Variants in LRRFIP1 observed in about 807,000 individuals in gnomAD.
LRRFIP1 encodes the protein leucine-rich repeat flightless-interacting protein 1.
In LRRFIP1, 62 loss-of-function variants were observed where a neutral mutation model predicts 104.4. That is an observed-to-expected ratio of 0.59 (90% confidence interval 0.48 to 0.73). The LOEUF (loss-of-function observed/expected upper bound fraction) is 0.73. Among genes scored for constraint, LRRFIP1 ranks in the 30% least tolerant of loss-of-function variants. The pLI, the probability that LRRFIP1 is intolerant of heterozygous loss-of-function variation, is 0.00. For synonymous variants in LRRFIP1, 300 were observed against 299.0 expected (o/e 1.00, Z -0.03); for missense variants, 796 against 824.5 (o/e 0.97, Z 0.42).
At chr2:237,770,229 G>T in intron 20 of LRRFIP1, 1 of 479,576 alleles carries the variant, frequency 2.1e-6, no homozygotes, top group Non-Finnish European at 3.8e-6. Flanking sequence ...AAGACCCAAA[G>T]CCATGGAATT....
intron 7 of LRRFIP1, 45 bp downstream of exon 7, chr2:237,723,631 G>T: frequency 6.2e-7 from 1 of 1,607,942 alleles, no homozygotes; most frequent in Non-Finnish European, 8.5e-7. Context: ...TAACTGTGTG[G>T]TGTGACCATA....
chr2:237,634,875 A>G (rs1335555279), intron 1 of LRRFIP1, among the ~76,000 whole-genome samples: 1 of 152,226 alleles, frequency 6.6e-6, no homozygotes, highest in East Asian at 1.9e-4. Flanking sequence ...ATATGATTAA[A>G]CAAAGCAGAT....
intron 19 of LRRFIP1, chr2:237,763,004 G>A (rs1187884847): frequency 1.2e-6 from 2 of 1,614,228 alleles, no homozygotes. Flanking sequence ...AGTGACTCAG[G>A]TTGAAGAGCA....
chr2:237,750,668 GT>G (rs2058511566), intron 13 of LRRFIP1, among the ~76,000 whole-genome samples: 1 of 152,172 alleles, frequency 6.6e-6, no homozygotes, highest in East Asian at 1.9e-4. Flanking sequence ...GAGCAGCAGA[GT>G]TGGCGGCAGT....
rs184424862 is a variant in LRRFIP1 at position 237,707,727 on chromosome 2, C to A, written c.97-817C>A. On this transcript the variant is annotated intron_variant, in intron 1 of 23. Coordinates refer to ENST00000308482, the MANE Select transcript of LRRFIP1 (RefSeq NM_001137550.2). Reference sequence around the variant, plus strand: ...GTTGTTTGTAGAAACAGTTCAGATGCCAGGCTCGATAGCATCATGTCCATT... The same window carrying A: ...GTTGTTTGTAGAAACAGTTCAGATGACAGGCTCGATAGCATCATGTCCATT... Among the ~76,000 whole-genome samples, 22 of 152,308 alleles carry A rather than the reference C, an allele frequency of 1.4e-4. No homozygotes were observed. The East Asian group carries it at 2.9e-3, about 20-fold the overall frequency.
At chr2:237,762,752 G>C in intron 19 of LRRFIP1, 1 of 1,614,226 alleles carries the variant, frequency 6.2e-7, no homozygotes, top group Non-Finnish European at 8.5e-7. Flanking sequence ...TGAGAATACC[G>C]AGGACCAGAA....
At chr2:237,642,877 G>C (rs1056155512) in intron 1 of LRRFIP1, among the ~76,000 whole-genome samples, 29 of 152,226 alleles carry the variant, frequency 1.9e-4, no homozygotes, top group African/African-American at 6.5e-4. Context: ...CCAGGTTGCA[G>C]GGTCTGGACT....
intron 1 of LRRFIP1, among the ~76,000 whole-genome samples, chr2:237,632,033 CGT>C (rs895203185): frequency 2.0e-5 from 3 of 152,260 alleles, no homozygotes. Context: ...CAAGTTGACT[CGT>C]GGGCCTGCGG....
chr2:237,714,111 G>T, intron 2 of LRRFIP1, 148 bp from the exon 3 acceptor site: 1 of 536,572 alleles, frequency 1.9e-6, no homozygotes, highest in Admixed American at 3.3e-5. Context: ...TCTTGTCAGT[G>T]GGACCTCACC....
At chr2:237,769,840 T>C in intron 19 of LRRFIP1, 103 bp from the exon 20 acceptor site, 1 of 851,316 alleles carries the variant, frequency 1.2e-6, no homozygotes, top group Non-Finnish European at 2.0e-6. Context: ...ACTACTTCCA[T>C]CATTCATTTC....
At chr2:237,762,514 T>C (rs1282345704) in intron 19 of LRRFIP1, 1 of 1,006,098 alleles carries the variant, frequency 9.9e-7, no homozygotes, top group Non-Finnish European at 1.5e-6. Flanking sequence ...TAGGGGTGGG[T>C]GGGATTTGGA....
At chr2:237,739,384 G>A (rs762146444) in intron 11 of LRRFIP1, 75 bp downstream of exon 11, 98 of 1,278,652 alleles carry the variant, frequency 7.7e-5, no homozygotes, top group Admixed American at 1.3e-4. Context: ...CTCTTCCAAC[G>A]TCTCCAAATT....
intron 11 of LRRFIP1, among the ~76,000 whole-genome samples, chr2:237,742,906 G>C (rs2057310627): frequency 6.6e-6 from 1 of 152,078 alleles, no homozygotes; most frequent in Non-Finnish European, 1.5e-5. Flanking sequence ...CAGAACCCGG[G>C]TTCAGATGTC....
intron 7 of LRRFIP1, among the ~76,000 whole-genome samples, chr2:237,726,293 ATATATAGT>A (rs1253419409): frequency 6.6e-6 from 1 of 151,280 alleles, no homozygotes; most frequent in Non-Finnish European, 1.5e-5. Flanking sequence ...GCAAAGATAA[ATATATAGT>A]TTGATAGTCA....
At chr2:237,695,944 C>T (rs1400681321) in intron 1 of LRRFIP1, among the ~76,000 whole-genome samples, 1 of 152,048 alleles carries the variant, frequency 6.6e-6, no homozygotes, top group African/African-American at 2.4e-5. Flanking sequence ...AGTATAATCC[C>T]CCTGCCCCAG....
At chr2:237,759,427 G>A (rs926221978) in intron 18 of LRRFIP1, among the ~76,000 whole-genome samples, 1 of 152,160 alleles carries the variant, frequency 6.6e-6, no homozygotes, top group Non-Finnish European at 1.5e-5. Context: ...CCAGCTACAG[G>A]CTTAGAGCTA....
rs775557347 is a variant in LRRFIP1, at chr2:237,763,762, C to T, written c.1459+3557C>T. On this transcript the variant is annotated intron_variant, in intron 19 of 23. Transcript: ENST00000308482. ...ACACATTAGATTTTGAGGATGACAC[C>T]GTTCAATCATCAGGCCCGAGGGCTG... 4.3e-6 allele frequency: 7 copies of T among 1,614,152 alleles called. No individual in the cohort carries two copies. In the South Asian group the frequency reaches 4.4e-5, roughly 10 times the overall value.
intron 1 of LRRFIP1, among the ~76,000 whole-genome samples, chr2:237,654,236 G>A (rs998115963): frequency 2.0e-5 from 3 of 152,014 alleles, no homozygotes; most frequent in Non-Finnish European, 4.4e-5. Context: ...ACATACAAAT[G>A]GCCAATAGAT....
chr2:237,757,242 A>C (rs1196825725), intron 16 of LRRFIP1, among the ~76,000 whole-genome samples: 1 of 152,174 alleles, frequency 6.6e-6, no homozygotes, highest in African/African-American at 2.4e-5. Context: ...TGAAGTGAGA[A>C]TTTCACCCAA....
Sources: gnomAD v4.1 joint callset for allele counts (sites outside exome capture counted in the v4.1 genomes callset) on GRCh38, gnomAD v4.1.1 for gene constraint, MANE v1.5 for transcripts, NCBI Gene and HGNC (gene_info 2026-07-23, HGNC 2026-07-21) for gene names.